The following HS6ST3 variants were observed in gnomAD, a reference collection of about 807,000 sequenced individuals.
The protein encoded by HS6ST3 is heparan-sulfate 6-O-sulfotransferase 3.
Under a neutral mutation model 36.7 loss-of-function variants are expected in HS6ST3, and 12 were observed. The ratio of observed to expected loss-of-function variants is 0.33; its 90% CI spans 0.21 to 0.53. HS6ST3 has a LOEUF of 0.53. HS6ST3 is among the 20% of genes least tolerant of loss of function. HS6ST3 has a pLI of 0.95. For synonymous variants in HS6ST3, 240 were observed against 257.5 expected, an observed-to-expected ratio of 0.93 and a Z score of 0.65; for missense variants, 584 against 640.9, an observed-to-expected ratio of 0.91 and a Z score of 0.96.
intron 1 of HS6ST3, among the ~76,000 whole-genome samples, chr13:96,284,293 A>G (rs1418872397): frequency 6.6e-6 from 1 of 152,154 alleles, no homozygotes; most frequent in African/African-American, 2.4e-5. Flanking sequence ...AGGTCCCACA[A>G]TAGGCTGTCT....
chr13:96,134,985 A>G (rs1190057889), intron 1 of HS6ST3, among the ~76,000 whole-genome samples: 4 of 152,348 alleles, frequency 2.6e-5, no homozygotes, highest in African/African-American at 7.2e-5. Context: ...TGACACAGTC[A>G]TTGGGACCTG....
chr13:96,703,038 T>C (rs1244078367), intron 1 of HS6ST3, among the ~76,000 whole-genome samples: 2 of 152,270 alleles, frequency 1.3e-5, no homozygotes, highest in African/African-American at 4.8e-5. Flanking sequence ...GATGGAATTA[T>C]AGAATCTCCA....
intron 1 of HS6ST3, among the ~76,000 whole-genome samples, chr13:96,762,347 G>T (rs1395611273): frequency 1.3e-5 from 2 of 152,192 alleles, no homozygotes; most frequent in Non-Finnish European, 1.5e-5. Flanking sequence ...GGGCATGGTG[G>T]TGGGTGCCTG....
At chr13:96,255,855 T>C (rs2054634368) in intron 1 of HS6ST3, among the ~76,000 whole-genome samples, 1 of 152,184 alleles carries the variant, frequency 6.6e-6, no homozygotes, top group African/African-American at 2.4e-5. Context: ...TCTCCATTTT[T>C]GCTACACCTG....
At chr13:96,130,229 A>AG (rs2053969343) in intron 1 of HS6ST3, among the ~76,000 whole-genome samples, 1 of 152,182 alleles carries the variant, frequency 6.6e-6, no homozygotes, top group Non-Finnish European at 1.5e-5. Flanking sequence ...AGAGTGTTAA[A>AG]GGACACACTA....
chr13:96,226,119 A>G (rs1325621754), intron 1 of HS6ST3, among the ~76,000 whole-genome samples: 2 of 152,172 alleles, frequency 1.3e-5, no homozygotes, highest in African/African-American at 4.8e-5. Flanking sequence ...CCCTCTCAAA[A>G]ACATATTTGA....
intron 1 of HS6ST3, among the ~76,000 whole-genome samples, chr13:96,449,498 C>A (rs1398002376): frequency 1.3e-5 from 2 of 152,114 alleles, no homozygotes; most frequent in African/African-American, 4.8e-5. Context: ...TTAGTTTACT[C>A]CTGGACAGTG....
At chr13:96,324,167 T>C (rs1406109297) in intron 1 of HS6ST3, among the ~76,000 whole-genome samples, 1 of 152,202 alleles carries the variant, frequency 6.6e-6, no homozygotes, top group Admixed American at 6.5e-5. Context: ...CTTAACAGGC[T>C]TCCAGAAGTT....
intron 1 of HS6ST3, among the ~76,000 whole-genome samples, chr13:96,586,485 A>G (rs2056361806): frequency 6.6e-6 from 1 of 151,970 alleles, no homozygotes; most frequent in African/African-American, 2.4e-5. Flanking sequence ...TAGTAGAGAC[A>G]GGTTTTCACC....
intron 1 of HS6ST3, among the ~76,000 whole-genome samples, chr13:96,804,220 G>A (rs1878147034): frequency 6.6e-6 from 1 of 152,128 alleles, no homozygotes; most frequent in South Asian, 2.1e-4. Context: ...AACGGCTAGT[G>A]GTAGTGATGG....
rs374636063 is a variant in HS6ST3, at chr13:96,131,174, A to G, written c.707+39605A>G. Among the ~76,000 whole-genome samples, 8 of 152,212 alleles carry G rather than the reference A, an allele frequency of 5.3e-5. No homozygotes were observed. In the South Asian group the frequency reaches 1.2e-3, roughly 24 times the overall value. On this transcript the variant is annotated intron_variant, in intron 1 of 1. Coordinates refer to ENST00000376705, the MANE Select transcript of HS6ST3 (RefSeq NM_153456.4). ...AGAAACTGTAAGTCTTGGAAGGTCA[A>G]ATCTTCACATCTGCTGCCTTTGAGC...
At chr13:96,261,850 A>G (rs1056540341) in intron 1 of HS6ST3, among the ~76,000 whole-genome samples, 1 of 152,206 alleles carries the variant, frequency 6.6e-6, no homozygotes, top group African/African-American at 2.4e-5. Context: ...AAGGTATTTT[A>G]TGGTTCCAGA....
intron 1 of HS6ST3, among the ~76,000 whole-genome samples, chr13:96,696,828 G>A (rs181032684): frequency 3.3e-4 from 50 of 152,168 alleles, no homozygotes; most frequent in African/African-American, 1.1e-3. Flanking sequence ...GAAGGGGTCC[G>A]GAGCCTGACA....
At chr13:96,775,787 T>C (rs1877374755) in intron 1 of HS6ST3, among the ~76,000 whole-genome samples, 2 of 151,868 alleles carry the variant, frequency 1.3e-5, no homozygotes, top group African/African-American at 4.8e-5. Context: ...CAACGAGACA[T>C]AAAATTAACA....
chr13:96,835,194 C>G lies in HS6ST3; in HGVS notation c.*1996C>G, dbSNP rs1878895118. On this transcript the variant is annotated 3_prime_UTR_variant, in exon 2 of 2. Transcript: ENST00000376705. Reference sequence around the variant, plus strand: ...AATGCAAGAAGCCAGCTGCAATTTCCCAGAAGCATTTGTCTCTAACCCATG... The same window carrying G: ...AATGCAAGAAGCCAGCTGCAATTTCGCAGAAGCATTTGTCTCTAACCCATG... 1.3e-5 allele frequency: 2 copies of G among 152,250 alleles called. No homozygotes were observed. Among genetic ancestry groups the G allele is most frequent in the South Asian group, 4.2e-4 (2 of 4,818 alleles). 9.4% of individuals were successfully genotyped at this position (152,250 alleles called of 1,614,324 possible).
At chr13:96,717,527 G>A (rs1259768074) in intron 1 of HS6ST3, among the ~76,000 whole-genome samples, 5 of 152,152 alleles carry the variant, frequency 3.3e-5, no homozygotes, top group African/African-American at 4.8e-5. Flanking sequence ...CCCTGCAAGC[G>A]TGTTTCCTTA....
At chr13:96,217,872 GTGGA>G (rs1237889690) in intron 1 of HS6ST3, among the ~76,000 whole-genome samples, 1 of 152,142 alleles carries the variant, frequency 6.6e-6, no homozygotes, top group Non-Finnish European at 1.5e-5. Flanking sequence ...AGATGAATGG[GTGGA>G]TGGATGGATG....
At chr13:96,655,617 A>T (rs1044979697) in intron 1 of HS6ST3, among the ~76,000 whole-genome samples, 3 of 152,102 alleles carry the variant, frequency 2.0e-5, no homozygotes, top group Non-Finnish European at 4.4e-5. Context: ...TCTAGGAAAA[A>T]AAATTCTGAT....
chr13:96,449,496 C>T (rs997878590), intron 1 of HS6ST3, among the ~76,000 whole-genome samples: 1 of 152,136 alleles, frequency 6.6e-6, no homozygotes, highest in Non-Finnish European at 1.5e-5. Flanking sequence ...TCTTAGTTTA[C>T]TCCTGGACAG....
Sources: allele counts gnomAD v4.1 joint callset (sites outside exome capture counted in the v4.1 genomes callset), GRCh38; gene constraint gnomAD v4.1.1; transcripts MANE v1.5; gene names NCBI Gene and HGNC (gene_info 2026-07-23, HGNC 2026-07-21).